CPN2: variants seen among roughly 807,000 people sequenced by gnomAD.
The protein encoded by CPN2 is carboxypeptidase N 83 kDa chain.
For missense variants in CPN2, 620 were observed against 671.4 expected (o/e 0.92, Z 0.85); for synonymous variants, 336 against 318.4 (o/e 1.06, Z -0.59).
chr3:194,341,620 G>T lies in CPN2; in HGVS notation c.1083C>A (p.Ser361=), dbSNP rs754286406. The T allele has an allele frequency of 5.0e-5, 81 of 1,614,060 alleles. No homozygotes were observed. Among genetic ancestry groups the T allele is most frequent in the Non-Finnish European group, 6.6e-5 (78 of 1,180,030 alleles). The change falls in exon 2 of 2, where the codon TCC becomes TCA. Residue 361 remains serine (S), a synonymous_variant. Coordinates refer to ENST00000323830, the MANE Select transcript of CPN2 (RefSeq NM_001080513.4). ...TGGAGAGGCTGAGCAGCTCCAGCTT[G>T]GACAGGTTCTGGAAGAGGGCTGGGT... ...ALHPALFQNL[S]KLELLSLSKN...
chr3:194,349,254 G>A (rs937799839), intron 1 of CPN2, among the ~76,000 whole-genome samples: 1 of 152,120 alleles, frequency 6.6e-6, no homozygotes, highest in African/African-American at 2.4e-5. Context: ...CCAGCTACTC[G>A]GGAGGCTGAG....
rs758413708 is a variant in CPN2 at position 194,342,349 on chromosome 3, G to A, written c.354C>T (p.Ser118=). ...TGAGCTTGCCCAGCGAGGTCAGGTT[G>A]GAGAAGATGTTGGTGCTGAGGTTCA... ...SFLNLSTNIF[S]NLTSLGKLTL... The change falls in exon 2 of 2, where the codon TCC becomes TCT. Residue 118 remains serine (S), a synonymous_variant. Transcript: ENST00000323830. 38 of 1,613,998 alleles carry A rather than the reference G, an allele frequency of 2.4e-5. No homozygotes were observed. Among genetic ancestry groups the A allele is most frequent in the Non-Finnish European group, 8.5e-7 (1 of 1,180,032 alleles).
At position 194,341,182 on chromosome 3, in the gene CPN2, A is replaced by G; in HGVS notation, c.1521T>C (p.Ser507=). The G allele has an allele frequency of 6.2e-7, 1 of 1,613,498 alleles. No individual in the cohort carries two copies. The highest frequency in any genetic ancestry group is 8.5e-7 in the Non-Finnish European group (1 of 1,179,984). The part of the protein sequence containing the change: ...AQCRWLNVQL[S]PQQGSLGLQY... ...GCAGTCCCAGGGAGCCCTGCTGAGG[A>G]GAGAGCTGGACGTTCAGCCAGCGAC... Residue 507 remains serine, a synonymous_variant, in exon 2 of 2, where the codon TCT becomes TCC. Transcript: ENST00000323830.
Position 194,341,332 on chromosome 3 carries a change from C to T in CPN2, c.1371G>A (p.Thr457=), listed in dbSNP as rs757508180. 15 of 1,613,766 alleles carry T rather than the reference C, an allele frequency of 9.3e-6. No individual in the cohort carries two copies. The highest frequency in any genetic ancestry group is 3.3e-4 in the Middle Eastern group (2 of 6,080). ...VTRDHLGFQV[T]WPDESKAGGS... is the part of the protein sequence containing the mutation. ...CCCCTGCCTTGCTTTCGTCCGGCCACGTGACCTGGAAGCCCAAGTGGTCCC... is the reference window on the plus strand; with the variant it reads ...CCCCTGCCTTGCTTTCGTCCGGCCATGTGACCTGGAAGCCCAAGTGGTCCC... Residue 457 remains threonine (T), a synonymous_variant, in exon 2 of 2, where the codon ACG becomes ACA. Coordinates refer to ENST00000323830, the MANE Select transcript of CPN2 (RefSeq NM_001080513.4).
intron 1 of CPN2, among the ~76,000 whole-genome samples, chr3:194,349,489 T>C (rs1437797961): frequency 2.6e-5 from 4 of 152,216 alleles, no homozygotes; most frequent in African/African-American, 9.6e-5. Context: ...TGCAGTAAGG[T>C]TGAAACCTAT....
At chr3:194,342,763 C>T (rs1712907435) in intron 1 of CPN2, 58 bp from the exon 2 acceptor site, 2 of 768,112 alleles carry the variant, frequency 2.6e-6, no homozygotes, top group Admixed American at 4.9e-5. Flanking sequence ...CACAGCATGG[C>T]ACAGTGACCA....
Position 194,340,709 on chromosome 3 carries a change from G to A in CPN2, c.*356C>T, listed in dbSNP as rs1196848089. 3 of 215,510 alleles carry A rather than the reference G, an allele frequency of 1.4e-5. No individual in the cohort carries two copies. The Admixed American group carries it at 1.5e-4, about 11-fold the overall frequency. The allele number at this position is 215,510 out of a possible 1,614,324, so 13.3% of individuals were successfully genotyped here. A position where few individuals can be genotyped will look rare whatever the true frequency, so the allele number is the denominator to read the frequency against. On this transcript the variant is annotated 3_prime_UTR_variant, in exon 2 of 2. Transcript: ENST00000323830. ...AGTGGCCTCCACTTTGTATCACTGG[G>A]ATGCAGTGAATAGACCTCAGGGTGT...
chr3:194,345,682 G>C (rs148203172), intron 1 of CPN2, among the ~76,000 whole-genome samples: 1 of 152,162 alleles, frequency 6.6e-6, no homozygotes, highest in Non-Finnish European at 1.5e-5. Context: ...GCAAGGTCCC[G>C]GGGTCTTCAC....
In CPN2 at chr3:194,349,561, G is replaced by T. The variant is rs115770603; in HGVS notation, c.-4+1681C>A. ...CAGCACAGTTCCACACACACAGTAG[G>T]GGCTTACTTGACTCTTTCCTTCCTG... On this transcript the variant is annotated intron_variant, in intron 1 of 1. Transcript: ENST00000323830. Among the ~76,000 whole-genome samples, 335 of 152,144 alleles carry T rather than the reference G, an allele frequency of 2.2e-3. 4 individuals are homozygous for T. Among genetic ancestry groups the T allele is most frequent in the South Asian group, 0.02 (98 of 4,822 alleles).
At chr3:194,344,233 C>T (rs1329606913) in intron 1 of CPN2, among the ~76,000 whole-genome samples, 1 of 152,232 alleles carries the variant, frequency 6.6e-6, no homozygotes, top group African/African-American at 2.4e-5. Flanking sequence ...CACTCAGTGA[C>T]TCTCAGTCCT....
At chr3:194,348,535 A>AG (rs1479828241) in intron 1 of CPN2, among the ~76,000 whole-genome samples, 1 of 152,236 alleles carries the variant, frequency 6.6e-6, no homozygotes, top group Admixed American at 6.5e-5. Flanking sequence ...GTCCAACATG[A>AG]GGGATTGGTT....
chr3:194,340,910 G>A lies in CPN2; in HGVS notation c.*155C>T, dbSNP rs1022078609. 5.9e-6 allele frequency: 7 copies of A among 1,192,418 alleles called. No homozygotes were observed. Among genetic ancestry groups the A allele is most frequent in the Admixed American group, 2.9e-5 (1 of 34,532 alleles). The allele number at this position is 1,192,418 out of a possible 1,614,324, so 73.9% of individuals were successfully genotyped here. On this transcript the variant is annotated 3_prime_UTR_variant, in exon 2 of 2. Transcript: ENST00000323830. ...GAGGAGGAGGAGACCCTGGTTAGTG[G>A]AGCAGACCAGACTCCACCCCCTCAC...
chr3:194,342,121 G>A lies in CPN2; in HGVS notation c.582C>T (p.Ser194=), dbSNP rs758083756. 3 of 1,614,164 alleles carry A rather than the reference G, an allele frequency of 1.9e-6. No homozygotes were observed. The highest frequency in any genetic ancestry group is 2.5e-6 in the Non-Finnish European group (3 of 1,180,014). The part of the protein sequence containing the change: ...LPEELFHPLT[S]LQTLKLSNNA... ...TGTTGCTCAGCTTCAGGGTCTGCAG[G>A]CTGGTGAGTGGGTGGAACAGCTCCT... The change falls in exon 2 of 2, where the codon AGC becomes AGT. Residue 194 remains serine (S), a synonymous_variant. Transcript: ENST00000323830.
chr3:194,349,778 C>CGTT (rs1713196230), intron 1 of CPN2, among the ~76,000 whole-genome samples: 2 of 65,538 alleles, frequency 3.1e-5, no homozygotes, highest in African/African-American at 1.2e-4. Context: ...CTACCCTCTT[C>CGTT]TTTTTTTTTT....
intron 1 of CPN2, among the ~76,000 whole-genome samples, chr3:194,349,139 T>A (rs538684795): frequency 6.6e-6 from 1 of 152,226 alleles, no homozygotes; most frequent in South Asian, 2.1e-4. Flanking sequence ...GGCGGGAGCA[T>A]CACCTGAGAT....
At position 194,341,297 on chromosome 3, in the gene CPN2, T is replaced by A. The variant is rs764812260; in HGVS notation, c.1406A>T (p.Asp469Val). The change falls in exon 2 of 2, where the codon GAT (aspartate) becomes GTT (valine). Residue 469 changes from aspartate (D) to valine (V), a missense_variant. Physicochemically the swap from Asp to Val is radical, Grantham distance 152 (BLOSUM62 -3). Coordinates refer to ENST00000323830, the MANE Select transcript of CPN2 (RefSeq NM_001080513.4). ...PDESKAGGSWDLAVQERAARS... is the reference protein window; with the variant it reads ...PDESKAGGSWVLAVQERAARS... Reference sequence around the variant, plus strand: ...GGCTGCCCTTTCCTGCACAGCCAGATCCCAGCTGCCCCCTGCCTTGCTTTC... The same window carrying A: ...GGCTGCCCTTTCCTGCACAGCCAGAACCCAGCTGCCCCCTGCCTTGCTTTC... 6.2e-7 allele frequency: 1 copy of A among 1,613,596 alleles called. No homozygotes were observed. Among genetic ancestry groups the A allele is most frequent in the South Asian group, 1.1e-5 (1 of 91,084 alleles).
chr3:194,340,981 C>T lies in CPN2; in HGVS notation c.*84G>A. On this transcript the variant is annotated 3_prime_UTR_variant, in exon 2 of 2. Transcript: ENST00000323830. ...CCTTGCATGTGAAAAGCCAAGGCTT[C>T]GGAGACTCAGCTCCCCTCCGCCCCT... 2.1e-6 allele frequency: 3 copies of T among 1,456,374 alleles called. No homozygotes were observed. The highest frequency in any genetic ancestry group is 2.9e-5 in the South Asian group (2 of 70,126). The allele number at this position is 1,456,374 out of a possible 1,614,324, so 90.2% of individuals were successfully genotyped here.
chr3:194,348,602 T>C (rs1346215670), intron 1 of CPN2, among the ~76,000 whole-genome samples: 1 of 152,168 alleles, frequency 6.6e-6, no homozygotes, highest in Non-Finnish European at 1.5e-5. Context: ...TTTAAAATTA[T>C]ATTACAGGCT....
intron 1 of CPN2, 140 bp downstream of exon 1, chr3:194,351,099 TCTC>T (rs1219218511): frequency 6.6e-6 from 1 of 152,156 alleles, no homozygotes; most frequent in Non-Finnish European, 1.5e-5. Context: ...CTCAGGGACT[TCTC>T]CTCCCGGGGC....
Sources: allele counts gnomAD v4.1 joint callset (sites outside exome capture counted in the v4.1 genomes callset), GRCh38; gene constraint gnomAD v4.1.1; transcripts MANE v1.5; gene names NCBI Gene and HGNC (gene_info 2026-07-23, HGNC 2026-07-21).